Variants in CCBE1 observed in about 807,000 individuals in gnomAD.
CCBE1 encodes collagen and calcium binding EGF domains 1.
In CCBE1, 37 loss-of-function variants were observed where a neutral mutation model predicts 50.0. That is an observed-to-expected ratio of 0.74 (90% CI 0.57 to 0.97). The LOEUF is 0.97. Among genes scored for constraint, CCBE1 ranks in the 50% least tolerant of loss-of-function variants. The pLI, the probability that CCBE1 is intolerant of heterozygous loss-of-function variation, is 0.00. For missense variants in CCBE1, 538 were observed against 523.8 expected (o/e 1.03, Z -0.26); for synonymous variants, 234 against 203.7 (o/e 1.15, Z -1.27).
chr18:59,513,705 T>C (rs1338022117), intron 2 of CCBE1, among the ~76,000 whole-genome samples: 1 of 152,180 alleles, frequency 6.6e-6, no homozygotes, highest in Non-Finnish European at 1.5e-5. Context: ...GGCTACACTT[T>C]AGAGAAAACG....
At chr18:59,438,226 A>G in intron 9 of CCBE1, 80 bp from the exon 10 acceptor site, 1 of 1,234,572 alleles carries the variant, frequency 8.1e-7, no homozygotes, top group Non-Finnish European at 1.2e-6. Flanking sequence ...CACCCACCAT[A>G]ACCACTTCCC....
intron 2 of CCBE1, among the ~76,000 whole-genome samples, chr18:59,514,726 C>T (rs1914294819): frequency 6.6e-6 from 1 of 151,312 alleles, no homozygotes; most frequent in Admixed American, 6.6e-5. Context: ...TCATCCTTGC[C>T]CCAGAGTACC....
intron 2 of CCBE1, among the ~76,000 whole-genome samples, chr18:59,600,415 T>G (rs981334039): frequency 8.6e-5 from 13 of 152,044 alleles, no homozygotes; most frequent in Admixed American, 8.5e-4. Context: ...GTAAGTATGT[T>G]ACAATGTGAT....
At chr18:59,574,360 G>A (rs568701156) in intron 2 of CCBE1, among the ~76,000 whole-genome samples, 6 of 152,256 alleles carry the variant, frequency 3.9e-5, no homozygotes, top group South Asian at 2.1e-4. Flanking sequence ...GCTCACAGTT[G>A]TACCATAAAA....
intron 5 of CCBE1, among the ~76,000 whole-genome samples, chr18:59,456,336 A>C (rs73963215): frequency 6.6e-6 from 1 of 152,352 alleles, no homozygotes; most frequent in African/African-American, 2.4e-5. Context: ...CTTTATTTGG[A>C]AACAGGATCA....
rs367720555 is a variant in CCBE1, at chr18:59,528,994, G to A, written c.213-48756C>T. On this transcript the variant is annotated intron_variant, in intron 2 of 10. Transcript: ENST00000439986. ...CGAAGCACTCTGGCTGCCTCTTGGC[G>A]GAGGGGGTGTGCTGCGCTGAAGGAA... 3.7e-4 allele frequency among the ~76,000 whole-genome samples: 56 copies of A among 152,344 alleles called. 1 individual carries two copies. In the South Asian group the frequency reaches 9.5e-3, roughly 26 times the overall value.
intron 2 of CCBE1, among the ~76,000 whole-genome samples, chr18:59,614,331 T>C (rs2053611267): frequency 6.6e-6 from 1 of 152,158 alleles, no homozygotes; most frequent in Admixed American, 6.5e-5. Context: ...ATTTTAAATA[T>C]CAATATATTT....
intron 2 of CCBE1, among the ~76,000 whole-genome samples, chr18:59,485,618 A>ATTTATTTG (rs1555682486): frequency 6.7e-6 from 1 of 150,346 alleles, no homozygotes; most frequent in Non-Finnish European, 1.5e-5. Context: ...TTATTTATTT[A>ATTTATTTG]TTTATTTTTT....
chr18:59,604,565 C>T (rs999897543), intron 2 of CCBE1, among the ~76,000 whole-genome samples: 1 of 152,154 alleles, frequency 6.6e-6, no homozygotes, highest in Non-Finnish European at 1.5e-5. Flanking sequence ...CTACAGTCAC[C>T]TGTATTTAAA....
intron 2 of CCBE1, among the ~76,000 whole-genome samples, chr18:59,594,714 T>C (rs1272736156): frequency 1.3e-5 from 2 of 152,164 alleles, no homozygotes; most frequent in African/African-American, 4.8e-5. Flanking sequence ...TGCTACTCAC[T>C]TTGTCAACAG....
At chr18:59,623,168 C>T (rs2144610262) in intron 2 of CCBE1, among the ~76,000 whole-genome samples, 1 of 152,232 alleles carries the variant, frequency 6.6e-6, no homozygotes, top group South Asian at 2.1e-4. Flanking sequence ...TCCAGTTTTG[C>T]TGTAAATCTA....
intron 2 of CCBE1, among the ~76,000 whole-genome samples, chr18:59,634,367 T>C (rs1010815538): frequency 4.6e-5 from 7 of 152,226 alleles, no homozygotes; most frequent in African/African-American, 1.7e-4. Context: ...GGACTGCATT[T>C]AGACTAAATG....
At position 59,608,608 on chromosome 18, in the gene CCBE1, G is replaced by A. The variant is rs1047609794; in HGVS notation, c.212+88021C>T. 1.1e-4 allele frequency among the ~76,000 whole-genome samples: 16 copies of A among 152,308 alleles called. 1 individual carries two copies. Among genetic ancestry groups the A allele is most frequent in the East Asian group, 9.6e-4 (5 of 5,186 alleles). On this transcript the variant is annotated intron_variant, in intron 2 of 10. Coordinates refer to ENST00000439986, the MANE Select transcript of CCBE1 (RefSeq NM_133459.4). ...GAAGTCAAATTTGTCAACTACTCAA[G>A]AGAGGTAAGAATTTTCAAGGGGAAA... is the stretch of plus-strand genomic sequence containing the variant.
intron 2 of CCBE1, among the ~76,000 whole-genome samples, chr18:59,618,344 A>C (rs1449309253): frequency 1.3e-5 from 2 of 152,194 alleles, no homozygotes; most frequent in Admixed American, 6.5e-5. Context: ...AAAAAGAAAA[A>C]AAATGAGATG....
chr18:59,681,869 TA>T lies in CCBE1; in HGVS notation c.212+14759del, dbSNP rs2054593032. On this transcript the variant is annotated intron_variant, in intron 2 of 10. Coordinates refer to ENST00000439986, the MANE Select transcript of CCBE1 (RefSeq NM_133459.4). The stretch of plus-strand genomic sequence containing the variant: ...TCAGTCGAGATGATCACCCTTGTGT[TA>T]AGCAAATCCCCTGGGCTGTAAACTA... 2.6e-5 allele frequency among the ~76,000 whole-genome samples: 4 copies of T among 152,372 alleles called. No homozygotes were observed. The South Asian group carries it at 8.3e-4, about 32-fold the overall frequency.
At chr18:59,691,883 C>T (rs946116893) in intron 2 of CCBE1, among the ~76,000 whole-genome samples, 82 of 152,132 alleles carry the variant, frequency 5.4e-4, no homozygotes, top group African/African-American at 1.8e-3. Context: ...TTCTAGTCTT[C>T]CTTCTGCCAG....
chr18:59,658,352 AAAATATATATATATAT>A (rs2054226857), intron 2 of CCBE1, among the ~76,000 whole-genome samples: 1 of 20,994 alleles, frequency 4.8e-5, no homozygotes, highest in African/African-American at 2.3e-4. Flanking sequence ...AAAAAAAAAA[AAAATATATATATATAT>A]ATATATATAT....
rs1913494357 is a variant in CCBE1, at chr18:59,499,159, A to G, written c.213-18921T>C. Among the ~76,000 whole-genome samples, 3 of 152,242 alleles carry G rather than the reference A, an allele frequency of 2.0e-5. No homozygotes were observed. In the South Asian group the frequency reaches 6.2e-4, roughly 31 times the overall value. ...ACAGTCAAGCAAGAGCCCACAAAAG[A>G]AATGGACACCATAAGAAGATACCAT... On this transcript the variant is annotated intron_variant, in intron 2 of 10. Coordinates refer to ENST00000439986, the MANE Select transcript of CCBE1 (RefSeq NM_133459.4).
At chr18:59,676,770 T>C (rs1043437523) in intron 2 of CCBE1, among the ~76,000 whole-genome samples, 2 of 152,162 alleles carry the variant, frequency 1.3e-5, no homozygotes, top group African/African-American at 2.4e-5. Context: ...TGGAGGGAAG[T>C]GTCAGTGGTG....
Sources: gnomAD v4.1 joint callset for allele counts (sites outside exome capture counted in the v4.1 genomes callset) on GRCh38, gnomAD v4.1.1 for gene constraint, MANE v1.5 for transcripts, NCBI Gene and HGNC (gene_info 2026-07-23, HGNC 2026-07-21) for gene names.